TENM2: variants seen among roughly 807,000 people sequenced by gnomAD.
TENM2 encodes teneurin transmembrane protein 2.
TENM2 carries 52 observed loss-of-function variants against 245.2 expected under a neutral mutation model. That is an observed-to-expected ratio of 0.21 (90% CI 0.17 to 0.27). The LOEUF is 0.27. Ranked by LOEUF, TENM2 falls within the 10% of genes least tolerant of loss-of-function variation. TENM2 has a pLI of 1.00. For missense variants in TENM2, 3,046 were observed against 3,666.8 expected (o/e 0.83, Z 4.37); for synonymous variants, 1,363 against 1,438.9 (o/e 0.95, Z 1.19).
At chr5:167,725,722 T>C (rs1366386586) in intron 2 of TENM2, among the ~76,000 whole-genome samples, 1 of 152,136 alleles carries the variant, frequency 6.6e-6, no homozygotes, top group East Asian at 1.9e-4. Context: ...TTAGCTTTTA[T>C]CCCTTATTTA....
At chr5:167,530,175 T>A (rs1363466551) in intron 2 of TENM2, among the ~76,000 whole-genome samples, 2 of 152,200 alleles carry the variant, frequency 1.3e-5, no homozygotes, top group African/African-American at 4.8e-5. Flanking sequence ...AGGATATTCA[T>A]TTTTCTATTC....
intron 2 of TENM2, among the ~76,000 whole-genome samples, chr5:167,470,086 T>C (rs1766920039): frequency 6.6e-6 from 1 of 152,182 alleles, no homozygotes; most frequent in African/African-American, 2.4e-5. Context: ...TCAAATAGTT[T>C]ATTGGAAAAA....
chr5:167,767,716 A>G (rs1380712515), intron 2 of TENM2, among the ~76,000 whole-genome samples: 1 of 152,230 alleles, frequency 6.6e-6, no homozygotes, highest in African/African-American at 2.4e-5. Flanking sequence ...TCAGGATTTA[A>G]AACATTTTAA....
intron 2 of TENM2, among the ~76,000 whole-genome samples, chr5:167,623,348 T>C (rs1299060904): frequency 6.6e-6 from 1 of 152,214 alleles, no homozygotes; most frequent in South Asian, 2.1e-4. Flanking sequence ...TCCCAATTTG[T>C]TGTGTTTCTC....
chr5:167,597,050 C>T (rs1025607872), intron 2 of TENM2, among the ~76,000 whole-genome samples: 14 of 152,050 alleles, frequency 9.2e-5, no homozygotes, highest in Admixed American at 7.2e-4. Flanking sequence ...TCAGTCCTCA[C>T]ACACATGGAG....
At chr5:167,200,146 T>C in the TENM2 span, among the ~76,000 whole-genome samples, 3 of 151,888 alleles carry the variant, frequency 2.0e-5, no homozygotes, top group African/African-American at 7.3e-5. Context: ...AATACCTTTC[T>C]ATCCCCCTTT....
At chr5:167,743,004 C>G (rs181846414) in intron 2 of TENM2, among the ~76,000 whole-genome samples, 2 of 150,418 alleles carry the variant, frequency 1.3e-5, no homozygotes, top group East Asian at 3.9e-4. Flanking sequence ...ACAACAACAA[C>G]AACAACAACA....
chr5:167,035,187 C>T, the TENM2 span, among the ~76,000 whole-genome samples: 1 of 151,748 alleles, frequency 6.6e-6, no homozygotes. Flanking sequence ...TTAATTGCAG[C>T]ATATTTCATT....
chr5:167,403,159 GTTA>G (rs929838784), intron 2 of TENM2, among the ~76,000 whole-genome samples: 1 of 133,062 alleles, frequency 7.5e-6, no homozygotes, highest in Non-Finnish European at 1.6e-5. Context: ...GTGTGTGATA[GTTA>G]TTATTTTTTT....
chr5:167,293,368 ATTTTTTTTT>A (rs199972172), intron 1 of TENM2, among the ~76,000 whole-genome samples: 424 of 130,542 alleles, frequency 3.2e-3, no homozygotes, highest in African/African-American at 0.011. Flanking sequence ...TGTCCGGCTA[ATTTTTTTTT>A]TTTTTTTTTT....
intron 2 of TENM2, among the ~76,000 whole-genome samples, chr5:167,612,088 G>C (rs942078772): frequency 1.3e-5 from 2 of 152,056 alleles, no homozygotes; most frequent in African/African-American, 4.8e-5. Flanking sequence ...ACAAAGTCAT[G>C]TGCAAGGTAA....
chr5:167,012,146 A>C, the TENM2 span, among the ~76,000 whole-genome samples: 1 of 152,166 alleles, frequency 6.6e-6, no homozygotes, highest in African/African-American at 2.4e-5. Flanking sequence ...AAGTCTTGTA[A>C]TGTCCCAGAT....
rs373401706 is a variant in TENM2 at position 167,351,369 on chromosome 5, G to A, written c.227-23829G>A. Among the ~76,000 whole-genome samples, 62 of 152,196 alleles carry A rather than the reference G, an allele frequency of 4.1e-4. 1 individual carries two copies. Among genetic ancestry groups the A allele is most frequent in the African/African-American group, 1.4e-3 (60 of 41,502 alleles). On this transcript the variant is annotated intron_variant, in intron 1 of 28. Coordinates refer to ENST00000518659, the Ensembl canonical transcript of TENM2. ...TTGAAGCCACACTTGCATCATCAGG[G>A]AAAGAGAACATGGAGAAATTTCATA...
At chr5:168,190,273 A>G in intron 13 of TENM2, 64 bp from the exon 16 acceptor site, 1 of 1,277,456 alleles carries the variant, frequency 7.8e-7, no homozygotes, top group Non-Finnish European at 1.1e-6. Flanking sequence ...CAAAGGTGTT[A>G]GTGTCTCCAA....
At chr5:167,875,489 T>A (rs1468737713) in intron 2 of TENM2, among the ~76,000 whole-genome samples, 1 of 152,166 alleles carries the variant, frequency 6.6e-6, no homozygotes, top group Non-Finnish European at 1.5e-5. Context: ...AGTTTGGGTT[T>A]CCTTCTGCAA....
intron 13 of TENM2, among the ~76,000 whole-genome samples, chr5:168,184,387 ATCTCCACCAC>A (rs1424514771): frequency 6.6e-6 from 1 of 152,228 alleles, no homozygotes; most frequent in African/African-American, 2.4e-5. Flanking sequence ...GTTAGAGGCC[ATCTCCACCAC>A]TCTGTCACAA....
chr5:167,231,910 T>G, the TENM2 span, among the ~76,000 whole-genome samples: 1 of 152,204 alleles, frequency 6.6e-6, no homozygotes, highest in Non-Finnish European at 1.5e-5. Context: ...TCTGCATTTT[T>G]GGGACTTGGT....
At position 167,786,895 on chromosome 5, in the gene TENM2, A is replaced by T. The variant is rs114854651; in HGVS notation, c.503-89091A>T. Among the ~76,000 whole-genome samples the T allele has an allele frequency of 7.6e-3, 1,158 of 152,350 alleles. 14 individuals carry two copies. Among genetic ancestry groups the T allele is most frequent in the African/African-American group, 0.026 (1,098 of 41,580 alleles). ...AACTTTCTATGACTCAAATGCAAAA[A>T]GTTAACCCGTTATAGAATTCTAGGT... On this transcript the variant is annotated intron_variant, in intron 2 of 28. Coordinates refer to ENST00000518659, the Ensembl canonical transcript of TENM2.
chr5:168,233,830 A>G (rs1306710021), intron 25 of TENM2, among the ~76,000 whole-genome samples: 1 of 152,192 alleles, frequency 6.6e-6, no homozygotes, highest in Admixed American at 6.5e-5. Context: ...TGACGGCATC[A>G]AGAGAAAATG....
Sources: allele counts gnomAD v4.1 joint callset (sites outside exome capture counted in the v4.1 genomes callset), GRCh38; gene constraint gnomAD v4.1.1; transcripts MANE v1.5; gene names NCBI Gene and HGNC (gene_info 2026-07-23, HGNC 2026-07-21).